LRRC18: variants seen among roughly 807,000 people sequenced by gnomAD.
LRRC18 encodes the protein leucine rich repeat containing 18, also known as leucine-rich repeat-containing protein 18.
In LRRC18, 12 loss-of-function variants were observed where a neutral mutation model predicts 11.2. The ratio of observed to expected loss-of-function variants is 1.07; its 90% confidence interval spans 0.69 to 1.74. The LOEUF (loss-of-function observed/expected upper bound fraction) is 1.74, where lower values mean the gene tolerates loss of function less well. LRRC18 is among the 40% of genes most tolerant of loss of function. LRRC18 has a pLI of 0.00. For missense variants in LRRC18, 374 were observed against 330.5 expected, an observed-to-expected ratio of 1.13 and a Z score of -1.02; for synonymous variants, 155 against 130.6, an observed-to-expected ratio of 1.19 and a Z score of -1.27.
At chr10:48,922,657 G>A in the LRRC18 span, among the ~76,000 whole-genome samples, 78,621 of 152,028 alleles carry the variant, frequency 0.52, 23,755 homozygotes, top group East Asian at 1. Flanking sequence ...TTCAATGGGG[G>A]TCTTAGAACA....
At chr10:48,924,005 A>G in the LRRC18 span, among the ~76,000 whole-genome samples, 1 of 152,218 alleles carries the variant, frequency 6.6e-6, no homozygotes, top group South Asian at 2.1e-4. Flanking sequence ...GTGATGAGGA[A>G]GCAGCACGGA....
At chr10:48,910,497 T>C (rs1837900507) in intron 1 of LRRC18, among the ~76,000 whole-genome samples, 1 of 152,204 alleles carries the variant, frequency 6.6e-6, no homozygotes, top group Non-Finnish European at 1.5e-5. Context: ...TTTTAGAGCA[T>C]GAAGGAACAC....
the LRRC18 span, among the ~76,000 whole-genome samples, chr10:48,931,990 T>G: frequency 6.6e-6 from 1 of 152,154 alleles, no homozygotes; most frequent in Non-Finnish European, 1.5e-5. Context: ...AAAAGGCCGG[T>G]GGGTAGGCTG....
upstream of LRRC18, among the ~76,000 whole-genome samples, chr10:48,917,141 G>A (rs1838625029): frequency 6.6e-6 from 1 of 152,134 alleles, no homozygotes; most frequent in African/African-American, 2.4e-5. Flanking sequence ...GTCTATAGTA[G>A]GCTATACCAT....
chr10:48,931,426 A>G, the LRRC18 span, among the ~76,000 whole-genome samples: 3 of 152,202 alleles, frequency 2.0e-5, no homozygotes, highest in Admixed American at 6.5e-5. Context: ...GAGGTACTCT[A>G]TCAGAGCCAG....
At chr10:48,928,864 G>T in the LRRC18 span, among the ~76,000 whole-genome samples, 1 of 152,222 alleles carries the variant, frequency 6.6e-6, no homozygotes, top group Non-Finnish European at 1.5e-5. Context: ...GCCCTTTGAA[G>T]TCATTCACTC....
At chr10:48,913,240 A>C in intron 1 of LRRC18, 152 bp downstream of exon 3, 2 of 733,506 alleles carry the variant, frequency 2.7e-6, no homozygotes, top group Non-Finnish European at 4.6e-6. Flanking sequence ...ACACAATCAC[A>C]CGCCGAGAAA....
At chr10:48,914,254 T>C (rs558867855), upstream of LRRC18, 228 of 1,349,310 alleles carry the variant, frequency 1.7e-4, no homozygotes, top group Non-Finnish European at 2.2e-4. Context: ...TAAGAAAACA[T>C]CTGGTTAGGA....
the LRRC18 span, among the ~76,000 whole-genome samples, chr10:48,925,470 G>A: frequency 5.9e-5 from 9 of 152,294 alleles, no homozygotes; most frequent in Admixed American, 3.9e-4. Flanking sequence ...AGATCATTCT[G>A]GGCCCGAAAT....
chr10:48,913,562 C>A, exon 1 of LRRC18: 1 of 1,614,116 alleles, frequency 6.2e-7, no homozygotes, highest in Non-Finnish European at 8.5e-7. Flanking sequence ...CCACAACATA[C>A]AAGTTCTCCA....
At chr10:48,920,194 C>G in the LRRC18 span, among the ~76,000 whole-genome samples, 1 of 152,058 alleles carries the variant, frequency 6.6e-6, no homozygotes, top group Non-Finnish European at 1.5e-5. Flanking sequence ...TGATTAAAAA[C>G]TCTCAGCAAA....
chr10:48,934,170 C>T, the LRRC18 span, among the ~76,000 whole-genome samples: 2 of 152,264 alleles, frequency 1.3e-5, no homozygotes, highest in East Asian at 1.9e-4. Flanking sequence ...TTTCATTGGC[C>T]GGGAGTGTTG....
the LRRC18 span, among the ~76,000 whole-genome samples, chr10:48,922,264 A>G: frequency 6.6e-6 from 1 of 152,216 alleles, no homozygotes; most frequent in Non-Finnish European, 1.5e-5. Context: ...TCCCACCCAG[A>G]CCTTGAATCA....
the LRRC18 span, among the ~76,000 whole-genome samples, chr10:48,922,138 T>G: frequency 2.6e-5 from 4 of 152,234 alleles, no homozygotes; most frequent in Non-Finnish European, 5.9e-5. Context: ...TTTCCACATT[T>G]TTAGTTCCCC....
chr10:48,915,466 G>A (rs1838433732), upstream of LRRC18, among the ~76,000 whole-genome samples: 1 of 151,642 alleles, frequency 6.6e-6, no homozygotes, highest in South Asian at 2.1e-4. Flanking sequence ...GTATGCCCTT[G>A]GGAGACACAA....
At chr10:48,927,610 T>C in the LRRC18 span, among the ~76,000 whole-genome samples, 2 of 152,230 alleles carry the variant, frequency 1.3e-5, no homozygotes, top group African/African-American at 4.8e-5. Flanking sequence ...TTTATAGCTT[T>C]GTCTGCCCCT....
chr10:48,923,506 A>ATATATATATGTATG, the LRRC18 span, among the ~76,000 whole-genome samples: 167 of 115,156 alleles, frequency 1.5e-3, 8 homozygotes, highest in African/African-American at 4.4e-3. Context: ...GTATATATAT[A>ATATATATATGTATG]TATATATGTC....
At chr10:48,934,452 A>C in the LRRC18 span, among the ~76,000 whole-genome samples, 1 of 152,178 alleles carries the variant, frequency 6.6e-6, no homozygotes, top group Non-Finnish European at 1.5e-5. Flanking sequence ...ACTTGTGTGG[A>C]GTCACAAAGA....
the LRRC18 span, among the ~76,000 whole-genome samples, chr10:48,934,383 A>C: frequency 1.3e-5 from 2 of 152,218 alleles, no homozygotes; most frequent in Non-Finnish European, 2.9e-5. Flanking sequence ...ACTGCCTGAC[A>C]TGTCGATTTT....
Sources: allele counts gnomAD v4.1 joint callset (sites outside exome capture counted in the v4.1 genomes callset), GRCh38; gene constraint gnomAD v4.1.1; transcripts MANE v1.5; gene names NCBI Gene and HGNC (gene_info 2026-07-23, HGNC 2026-07-21).